Variants in H3-3A observed in about 807,000 individuals in gnomAD.
The protein encoded by H3-3A is H3.3 histone A.
For missense variants in H3-3A, 7 were observed against 184.0 expected (o/e 0.04, Z 5.57); for synonymous variants, 49 against 61.4 (o/e 0.80, Z 0.95).
upstream of H3-3A, chr1:226,062,163 G>A (rs1287222333): frequency 6.6e-6 from 1 of 151,830 alleles, no homozygotes; most frequent in Non-Finnish European, 1.5e-5. Flanking sequence ...TTTTCCAATG[G>A]GGCGCGGCGA....
chr1:226,065,950 GA>G, intron 3 of H3-3A, 141 bp downstream of exon 3: 1 of 740,982 alleles, frequency 1.3e-6, no homozygotes, highest in East Asian at 2.7e-5. Context: ...TGAGACTTCA[GA>G]AAGGTTAAAT....
intron 3 of H3-3A, among the ~76,000 whole-genome samples, chr1:226,067,759 A>G (rs1384306874): frequency 2.7e-5 from 4 of 150,706 alleles, no homozygotes; most frequent in Admixed American, 2.0e-4. Context: ...AAAAAAAAAG[A>G]TAACAGAGGG....
chr1:226,065,149 G>A (rs1408435686), intron 2 of H3-3A, among the ~76,000 whole-genome samples: 1 of 152,184 alleles, frequency 6.6e-6, no homozygotes, highest in Non-Finnish European at 1.5e-5. Context: ...CTGCACAATC[G>A]GGTGTATTCA....
At chr1:226,063,763 T>C (rs1322862341) in intron 1 of H3-3A, among the ~76,000 whole-genome samples, 1 of 152,142 alleles carries the variant, frequency 6.6e-6, no homozygotes, top group Admixed American at 6.5e-5. Flanking sequence ...GACGGGGCTT[T>C]GTAGAATGCT....
chr1:226,068,979 T>A (rs1297038315), intron 3 of H3-3A, among the ~76,000 whole-genome samples: 1 of 151,986 alleles, frequency 6.6e-6, no homozygotes, highest in East Asian at 1.9e-4. Flanking sequence ...ATAGTTCAAT[T>A]TGAATGAAGG....
rs867071680 is a variant in H3-3A, at chr1:226,063,799, C to G, written c.-23-530C>G. Among the ~76,000 whole-genome samples the G allele has an allele frequency of 6.6e-5, 10 of 151,382 alleles. No individual in the cohort carries two copies. The South Asian group carries it at 1.9e-3, about 28-fold the overall frequency. ...CGCTGGTGGTAGCTGTTGTTCCTCT[C>G]TTGTTTTTTCGAGACGCCTTTTTGT... On this transcript the variant is annotated intron_variant, in intron 1 of 3. Coordinates refer to ENST00000366815, the MANE Select transcript of H3-3A (RefSeq NM_002107.7).
chr1:226,070,472 A>T (rs973657671), intron 3 of H3-3A, among the ~76,000 whole-genome samples: 1 of 150,762 alleles, frequency 6.6e-6, no homozygotes, highest in African/African-American at 2.4e-5. Context: ...ACTCCGTCTC[A>T]AAATAAATAA....
At chr1:226,065,986 A>G in intron 3 of H3-3A, 177 bp downstream of exon 3, 1 of 624,914 alleles carries the variant, frequency 1.6e-6, no homozygotes, top group Non-Finnish European at 2.9e-6. Context: ...CACGTAGAAA[A>G]TGGCAAAACC....
At chr1:226,066,594 G>A (rs996484157) in intron 3 of H3-3A, 1 of 152,200 alleles carries the variant, frequency 6.6e-6, no homozygotes, top group African/African-American at 2.4e-5. Flanking sequence ...ATTAACATCA[G>A]TCACTTAAGT....
chr1:226,066,063 C>T, intron 3 of H3-3A: 1 of 495,848 alleles, frequency 2.0e-6, no homozygotes, highest in South Asian at 3.9e-5. Flanking sequence ...AATTTTGAAA[C>T]ATTGCACTAA....
chr1:226,062,402 G>A (rs1054014961), upstream of H3-3A, among the ~76,000 whole-genome samples: 9 of 151,474 alleles, frequency 5.9e-5, no homozygotes, highest in South Asian at 1.9e-3. Flanking sequence ...CACGGAGCGG[G>A]ATGGGAGTGC....
At chr1:226,063,369 CG>C (rs957503903) in intron 1 of H3-3A, among the ~76,000 whole-genome samples, 22 of 152,258 alleles carry the variant, frequency 1.4e-4, no homozygotes, top group Admixed American at 3.9e-4. Context: ...AAAAGAGGGA[CG>C]TTTTTTTCCC....
chr1:226,063,458 G>A (rs1345298037), intron 1 of H3-3A, among the ~76,000 whole-genome samples: 1 of 152,176 alleles, frequency 6.6e-6, no homozygotes, highest in Non-Finnish European at 1.5e-5. Flanking sequence ...CACGTGGCAG[G>A]GGATAGGGGT....
rs183082978 is a variant in H3-3A at position 226,068,850 on chromosome 1, A to G, written c.283-2501A>G. On this transcript the variant is annotated intron_variant, in intron 3 of 3. Coordinates refer to ENST00000366815, the MANE Select transcript of H3-3A (RefSeq NM_002107.7). ...GTTCAGGGTTGCCTGCACTGGCAAC[A>G]GGAGCAAGAGACAAGTATGCGATTT... Among the ~76,000 whole-genome samples, 24 of 152,336 alleles carry G rather than the reference A, an allele frequency of 1.6e-4. No homozygotes were observed. The East Asian group carries it at 2.5e-3, about 16-fold the overall frequency.
chr1:226,069,321 A>G (rs1386072222), intron 3 of H3-3A, among the ~76,000 whole-genome samples: 1 of 151,466 alleles, frequency 6.6e-6, no homozygotes, highest in African/African-American at 2.4e-5. Flanking sequence ...TGCTGGGATT[A>G]CAGGCGTGAG....
upstream of H3-3A, chr1:226,062,166 C>T (rs2102732299): frequency 1.3e-5 from 2 of 151,944 alleles, no homozygotes; most frequent in East Asian, 3.9e-4. Flanking sequence ...TCCAATGGGG[C>T]GCGGCGACCC....
In H3-3A at chr1:226,064,249, G is replaced by C. The variant is rs1261335826; in HGVS notation, c.-23-80G>C. 3.1e-6 allele frequency: 3 copies of C among 953,566 alleles called. No individual in the cohort carries two copies. In the East Asian group the frequency reaches 7.4e-5, roughly 23 times the overall value. 59.1% of individuals were successfully genotyped at this position (953,566 alleles called of 1,614,324 possible). A position where few individuals can be genotyped will look rare whatever the true frequency, so the allele number is the denominator to read the frequency against. On this transcript the variant is annotated intron_variant, in intron 1 of 3. Coordinates refer to ENST00000366815, the MANE Select transcript of H3-3A (RefSeq NM_002107.7). ...TATACTGATCATAATTTCCAGATTT[G>C]GGGAGGGGGTGATCGTGGCAGGAAA...
At chr1:226,064,658 A>T (rs1657864014) in intron 2 of H3-3A, among the ~76,000 whole-genome samples, 179 bp downstream of exon 2, 2 of 152,168 alleles carry the variant, frequency 1.3e-5, no homozygotes, top group African/African-American at 4.8e-5. Context: ...AAAGTTAAGT[A>T]TTAGGTTTTA....
intron 3 of H3-3A, among the ~76,000 whole-genome samples, chr1:226,070,050 A>G (rs1181908441): frequency 6.6e-6 from 1 of 152,224 alleles, no homozygotes; most frequent in South Asian, 2.1e-4. Context: ...AGGATCTTAC[A>G]GTCAAATGGG....
Sources: allele counts gnomAD v4.1 joint callset (sites outside exome capture counted in the v4.1 genomes callset), GRCh38; gene constraint gnomAD v4.1.1; transcripts MANE v1.5; gene names NCBI Gene and HGNC (gene_info 2026-07-23, HGNC 2026-07-21).